The following ABR variants were observed in gnomAD, a reference collection of about 807,000 sequenced individuals.
ABR encodes the protein active breakpoint cluster region-related protein.
Under a neutral mutation model 107.2 loss-of-function variants are expected in ABR, and 35 were observed. The ratio of observed to expected loss-of-function variants is 0.33; its 90% CI spans 0.25 to 0.43. The LOEUF (loss-of-function observed/expected upper bound fraction) is 0.43, where lower values mean the gene tolerates loss of function less well. Ranked by LOEUF, ABR falls within the 20% of genes least tolerant of loss-of-function variation. The pLI is 1.00. For missense variants in ABR, 815 were observed against 1,115.2 expected, an observed-to-expected ratio of 0.73 and a Z score of 3.83; for synonymous variants, 498 against 462.0, an observed-to-expected ratio of 1.08 and a Z score of -1.00.
intron 1 of ABR, among the ~76,000 whole-genome samples, chr17:1,199,771 GTTTA>G (rs1274350593): frequency 6.6e-6 from 1 of 151,810 alleles, no homozygotes; most frequent in African/African-American, 2.4e-5. Context: ...AAAACTATAA[GTTTA>G]TTCAGTTTTT....
At chr17:1,209,203 A>G (rs2042856238) in intron 1 of ABR, among the ~76,000 whole-genome samples, 1 of 151,898 alleles carries the variant, frequency 6.6e-6, no homozygotes, top group Non-Finnish European at 1.5e-5. Context: ...TCAGACATAC[A>G]GTGTTTTACT....
At position 1,011,680 on chromosome 17, in the gene ABR, G is replaced by A. The variant is rs2070561464; in HGVS notation, c.2101+166C>T. On this transcript the variant is annotated intron_variant, in intron 19 of 22. Coordinates refer to ENST00000302538, the MANE Select transcript of ABR (RefSeq NM_021962.5). The surrounding 1 kb of genome is among the most constrained non-coding windows in gnomAD (Gnocchi z 4.8). ...TGCTTACCTGCAGCAAGGGACAAGAGATTGGAGGGGAGGGGATTACAAGAG... is the reference window on the plus strand; with the variant it reads ...TGCTTACCTGCAGCAAGGGACAAGAAATTGGAGGGGAGGGGATTACAAGAG... 1 of 789,366 alleles carries A rather than the reference G, an allele frequency of 1.3e-6. No individual in the cohort carries two copies. The highest frequency in any genetic ancestry group is 3.2e-5 in the South Asian group (1 of 31,046). The allele number at this position is 789,366 out of a possible 1,614,324, so 48.9% of individuals were successfully genotyped here. A position where few individuals can be genotyped will look rare whatever the true frequency, so the allele number is the denominator to read the frequency against.
chr17:1,058,665 G>C (rs1567671868), intron 11 of ABR, 80 bp downstream of exon 11: 3 of 1,554,304 alleles, frequency 1.9e-6, no homozygotes, highest in Non-Finnish European at 2.6e-6. Context: ...GGTTCGTACA[G>C]GTCAGGGCCA....
intron 1 of ABR, among the ~76,000 whole-genome samples, chr17:1,203,188 A>G (rs2042703743): frequency 6.6e-6 from 1 of 151,942 alleles, no homozygotes; most frequent in East Asian, 1.9e-4. Context: ...GCCCAGCCCC[A>G]TTCCTTTTAA....
At position 1,005,705 on chromosome 17, in the gene ABR, T is replaced by C. The variant is rs891154700; in HGVS notation, c.*375A>G. The C allele has an allele frequency of 1.7e-5, 5 of 296,758 alleles. No individual in the cohort carries two copies. The highest frequency in any genetic ancestry group is 1.1e-4 in the African/African-American group (5 of 45,516). 18.4% of individuals were successfully genotyped at this position (296,758 alleles called of 1,614,324 possible). On this transcript the variant is annotated 3_prime_UTR_variant, in exon 23 of 23. Coordinates refer to ENST00000302538, the MANE Select transcript of ABR (RefSeq NM_021962.5). ...CAGCGCAAAATAAAAGGCCTTGGGC[T>C]GGACTCAGGCGGAAAGAAAGTGCTG...
At position 1,076,719 on chromosome 17, in the gene ABR, GGGGTGGGGGT is replaced by G. The variant is rs1469673056; in HGVS notation, c.700+2601_700+2610del. 1.8e-4 allele frequency among the ~76,000 whole-genome samples: 23 copies of G among 125,964 alleles called. No homozygotes were observed. The East Asian group carries it at 4.4e-3, about 24-fold the overall frequency. The allele number at this position is 125,964 out of a possible 152,430, so 82.6% of individuals were successfully genotyped here. A position where few individuals can be genotyped will look rare whatever the true frequency, so the allele number is the denominator to read the frequency against. ...CGGCCAGGAGGGCAGGTGCACGGGG[GGGGTGGGGGT>G]GGGGGGGGTGGCGGCACTGGGACCA... is the stretch of plus-strand genomic sequence containing the variant. On this transcript the variant is annotated intron_variant, in intron 6 of 22. Transcript: ENST00000302538.
Position 1,058,624 on chromosome 17 carries a change from G to A in ABR, c.1305+121C>T, listed in dbSNP as rs1194987413. 9 of 1,329,366 alleles carry A rather than the reference G, an allele frequency of 6.8e-6. No individual in the cohort carries two copies. In the South Asian group the frequency reaches 1.1e-4, roughly 16 times the overall value. The allele number at this position is 1,329,366 out of a possible 1,614,324, so 82.3% of individuals were successfully genotyped here. On this transcript the variant is annotated intron_variant, in intron 11 of 22. Coordinates refer to ENST00000302538, the MANE Select transcript of ABR (RefSeq NM_021962.5). ...CGAGTCAACAGCTGGAGCCATGGCAGCCTCCTCAGGAAGAGGGGGCCTGAG... is the reference window on the plus strand; with the variant it reads ...CGAGTCAACAGCTGGAGCCATGGCAACCTCCTCAGGAAGAGGGGGCCTGAG...
At chr17:1,218,570 T>C (rs964504592) in intron 1 of ABR, among the ~76,000 whole-genome samples, 1 of 152,204 alleles carries the variant, frequency 6.6e-6, no homozygotes. Flanking sequence ...TCAATGTCTC[T>C]AGACTTGTTA....
chr17:1,220,613 C>T (rs981653537), intron 1 of ABR, among the ~76,000 whole-genome samples: 7 of 152,162 alleles, frequency 4.6e-5, no homozygotes, highest in Admixed American at 2.0e-4. Flanking sequence ...TCTGCCCCAA[C>T]ACCTGGACGA....
chr17:1,090,500 A>C (rs1376568574), intron 4 of ABR, among the ~76,000 whole-genome samples: 1 of 152,114 alleles, frequency 6.6e-6, no homozygotes, highest in East Asian at 1.9e-4. Flanking sequence ...GGCGGCTGTG[A>C]GCAACGGCCA....
At chr17:1,012,445 A>G (rs961990963) in intron 18 of ABR, 6 of 691,210 alleles carry the variant, frequency 8.7e-6, no homozygotes. Context: ...TGTTACGAGG[A>G]GCAGACGATC....
intron 1 of ABR, among the ~76,000 whole-genome samples, chr17:1,221,366 T>G (rs1473811526): frequency 6.6e-6 from 1 of 152,194 alleles, no homozygotes; most frequent in Non-Finnish European, 1.5e-5. Flanking sequence ...AATTCCTGCC[T>G]GAAATGTGAA....
intron 2 of ABR, chr17:1,108,811 G>T: frequency 1.4e-5 from 6 of 426,570 alleles, no homozygotes; most frequent in Non-Finnish European, 3.3e-6. Flanking sequence ...CCGGGGCCGG[G>T]ACCCTCCGCC....
chr17:1,006,368 C>T (rs1167068832), intron 22 of ABR, among the ~76,000 whole-genome samples, 199 bp from the exon 23 acceptor site: 1 of 152,222 alleles, frequency 6.6e-6, no homozygotes, highest in African/African-American at 2.4e-5. Context: ...GCCACTTCCC[C>T]AACCTGGCCA....
intron 1 of ABR, among the ~76,000 whole-genome samples, chr17:1,171,155 C>T (rs551187191): frequency 2.0e-4 from 30 of 152,294 alleles, no homozygotes; most frequent in Admixed American, 3.9e-4. Flanking sequence ...CCACAAGTGA[C>T]GAAGTCAATT....
intron 16 of ABR, chr17:1,031,748 G>GGC (rs1434157181): frequency 5.7e-6 from 7 of 1,237,266 alleles, no homozygotes; most frequent in Non-Finnish European, 7.1e-6. Context: ...TCATGCCGGG[G>GGC]GGGACGGGAC....
chr17:1,055,748 C>G (rs548022990), intron 14 of ABR: 2 of 352,516 alleles, frequency 5.7e-6, no homozygotes, highest in African/African-American at 2.0e-5. Flanking sequence ...CGGATGGTCT[C>G]GAACTCCTGA....
chr17:1,189,160 A>G (rs1333089271), upstream of ABR, among the ~76,000 whole-genome samples: 1 of 152,120 alleles, frequency 6.6e-6, no homozygotes, highest in Non-Finnish European at 1.5e-5. Context: ...CTCCGGCCAC[A>G]GTGGCCACGT....
At chr17:1,118,025 CG>C (rs2039117593) in intron 2 of ABR, among the ~76,000 whole-genome samples, 1 of 53,620 alleles carries the variant, frequency 1.9e-5, no homozygotes, top group Non-Finnish European at 4.0e-5. Context: ...TTCTCCCCAG[CG>C]TTATCGCTGA....
Sources: gnomAD v4.1 joint callset for allele counts (sites outside exome capture counted in the v4.1 genomes callset) on GRCh38, gnomAD v4.1.1 for gene constraint, Gnocchi (gnomAD v3.1) non-coding constraint, MANE v1.5 for transcripts, NCBI Gene and HGNC (gene_info 2026-07-23, HGNC 2026-07-21) for gene names.